The following NDEL1 variants were observed in gnomAD, a reference collection of about 807,000 sequenced individuals.
The protein encoded by NDEL1 is nudE neurodevelopment protein 1 like 1, also known as nuclear distribution protein nudE-like 1.
Under a neutral mutation model 45.7 loss-of-function variants are expected in NDEL1, and 9 were observed. That is an observed-to-expected ratio of 0.20 (90% CI 0.12 to 0.34). The LOEUF (loss-of-function observed/expected upper bound fraction) is 0.34. Ranked by LOEUF, NDEL1 falls within the 10% of genes least tolerant of loss-of-function variation. NDEL1 has a pLI of 1.00. For synonymous variants in NDEL1, 133 were observed against 158.6 expected (o/e 0.84, Z 1.21); for missense variants, 306 against 406.2 (o/e 0.75, Z 2.12).
At chr17:8,423,016 A>T (rs1038116324) in intron 1 of NDEL1, among the ~76,000 whole-genome samples, 1 of 152,212 alleles carries the variant, frequency 6.6e-6, no homozygotes, top group Admixed American at 6.5e-5. Context: ...GGCATGAGCC[A>T]CTGCGCCCAG....
chr17:8,430,012 T>G (rs1908960639), intron 1 of NDEL1, among the ~76,000 whole-genome samples: 2 of 152,148 alleles, frequency 1.3e-5, no homozygotes. Context: ...GTCTTTGGGC[T>G]TTGGTGACCA....
At position 8,440,753 on chromosome 17, in the gene NDEL1, G is replaced by A. The variant is rs527581585; in HGVS notation, c.-12-3507G>A. Among the ~76,000 whole-genome samples the A allele has an allele frequency of 3.7e-4, 57 of 152,252 alleles. No homozygotes were observed. The Middle Eastern group carries it at 0.024, about 64-fold the overall frequency. On this transcript the variant is annotated intron_variant, in intron 1 of 8. Coordinates refer to ENST00000334527, the MANE Select transcript of NDEL1 (RefSeq NM_030808.5). ...AGAAGTCAGAGACAAATGGATACTC[G>A]CAATACATCCAGAGGGGTAAACAAT...
At chr17:8,461,805 A>G (rs1357718079) in intron 8 of NDEL1, among the ~76,000 whole-genome samples, 1 of 152,048 alleles carries the variant, frequency 6.6e-6, no homozygotes, top group Non-Finnish European at 1.5e-5. Flanking sequence ...CCTCTACTAG[A>G]GTAGTTATTA....
rs1910621563 is a variant in NDEL1 at position 8,453,035 on chromosome 17, A to T, written c.701-1761A>T. ...AGTACAGGCATGAGCCACCATGCCC[A>T]GCCTACAATGTTTGTTTCTAAAAAG... On this transcript the variant is annotated intron_variant, in intron 6 of 8. Transcript: ENST00000334527. 4.6e-5 allele frequency among the ~76,000 whole-genome samples: 7 copies of T among 152,292 alleles called. No individual in the cohort carries two copies. The South Asian group carries it at 1.4e-3, about 32-fold the overall frequency.
At chr17:8,454,123 A>T (rs1910686346) in intron 6 of NDEL1, among the ~76,000 whole-genome samples, 1 of 152,216 alleles carries the variant, frequency 6.6e-6, no homozygotes, top group African/African-American at 2.4e-5. Flanking sequence ...TATGGGAAAC[A>T]TTATGACATT....
chr17:8,444,501 A>G, intron 2 of NDEL1, 144 bp downstream of exon 2: 1 of 607,030 alleles, frequency 1.6e-6, no homozygotes, highest in South Asian at 2.0e-5. Flanking sequence ...AACAGTCACC[A>G]CATGGGTTGT....
downstream of NDEL1, among the ~76,000 whole-genome samples, chr17:8,471,545 C>T (rs1911832636): frequency 1.3e-5 from 2 of 152,196 alleles, no homozygotes; most frequent in African/African-American, 2.4e-5. Flanking sequence ...GGTTATGTCA[C>T]GTTACCTCTC....
In NDEL1 at chr17:8,467,387, G is replaced by C; in HGVS notation, c.*364G>C. The C allele has an allele frequency of 2.4e-6, 1 of 423,368 alleles. No homozygotes were observed. The highest frequency in any genetic ancestry group is 4.1e-6 in the Non-Finnish European group (1 of 241,584). 26.2% of individuals were successfully genotyped at this position (423,368 alleles called of 1,614,324 possible). On this transcript the variant is annotated 3_prime_UTR_variant, in exon 9 of 9. Transcript: ENST00000334527. This position sits in a 1 kb window ranked among gnomAD's most constrained non-coding sequence, Gnocchi z 6.3. ...CTGATAGGATTTAGTTGTGTTTTAG[G>C]ACATTGCAAATCTTCTAGAAGTTCT...
At chr17:8,453,031 G>A (rs1910620813) in intron 6 of NDEL1, among the ~76,000 whole-genome samples, 1 of 152,074 alleles carries the variant, frequency 6.6e-6, no homozygotes. Flanking sequence ...GAGCCACCAT[G>A]CCCAGCCTAC....
At chr17:8,464,988 G>A (rs899876846) in intron 8 of NDEL1, 3 of 152,330 alleles carry the variant, frequency 2.0e-5, no homozygotes, top group Admixed American at 1.3e-4. Context: ...CCAGGTGCCA[G>A]ATTCTTCTTG....
chr17:8,446,673 C>CCA (rs386364879), intron 3 of NDEL1, 81 bp from the exon 4 acceptor site: 4 of 1,478,330 alleles, frequency 2.7e-6, no homozygotes, highest in African/African-American at 1.4e-5. Flanking sequence ...GGTTCCCCCC[C>CCA]ACCCTTTTAA....
chr17:8,424,043 T>A (rs1908764238), intron 1 of NDEL1, among the ~76,000 whole-genome samples: 1 of 152,210 alleles, frequency 6.6e-6, no homozygotes, highest in Admixed American at 6.5e-5. Context: ...GTTTAAGACA[T>A]TTTTGATAAA....
intron 1 of NDEL1, among the ~76,000 whole-genome samples, chr17:8,437,024 A>G (rs1409402320): frequency 1.3e-5 from 2 of 152,218 alleles, no homozygotes; most frequent in Non-Finnish European, 2.9e-5. Flanking sequence ...AAGCTGGTAG[A>G]TTACTTACTC....
chr17:8,440,822 C>G (rs187142601), intron 1 of NDEL1, among the ~76,000 whole-genome samples: 3 of 152,180 alleles, frequency 2.0e-5, no homozygotes, highest in Non-Finnish European at 4.4e-5. Flanking sequence ...CTCTTCAAAG[C>G]ATTAACTGCT....
chr17:8,422,080 G>A (rs75396345), intron 1 of NDEL1, among the ~76,000 whole-genome samples: 77 of 152,332 alleles, frequency 5.1e-4, no homozygotes, highest in African/African-American at 1.7e-3. Context: ...ACACCAGTGT[G>A]GGAGCCCTGA....
At chr17:8,456,562 G>A (rs964553957) in intron 7 of NDEL1, among the ~76,000 whole-genome samples, 3 of 136,924 alleles carry the variant, frequency 2.2e-5, no homozygotes, top group South Asian at 2.3e-4. Flanking sequence ...GCAGCGGCAC[G>A]ATCTCAGCTC....
chr17:8,451,401 AAC>A (rs548015358), intron 6 of NDEL1, among the ~76,000 whole-genome samples: 30 of 152,276 alleles, frequency 2.0e-4, no homozygotes, highest in African/African-American at 5.5e-4. Context: ...ATCATATTTA[AAC>A]ACAGTTTTAT....
chr17:8,415,102 T>TCCTC (rs143550449), intron 1 of NDEL1, among the ~76,000 whole-genome samples: 41 of 148,778 alleles, frequency 2.8e-4, no homozygotes, highest in African/African-American at 6.1e-4. Context: ...CTTCCTTTCT[T>TCCTC]CCTCCCTCCC....
intron 6 of NDEL1, among the ~76,000 whole-genome samples, chr17:8,453,575 G>A (rs1330435950): frequency 1.3e-5 from 2 of 152,104 alleles, no homozygotes; most frequent in Non-Finnish European, 1.5e-5. Context: ...AAATGTGCAC[G>A]ACTGAAAACC....
Sources: gnomAD v4.1 joint callset for allele counts (sites outside exome capture counted in the v4.1 genomes callset) on GRCh38, gnomAD v4.1.1 for gene constraint, Gnocchi (gnomAD v3.1) non-coding constraint, MANE v1.5 for transcripts, NCBI Gene and HGNC (gene_info 2026-07-23, HGNC 2026-07-21) for gene names.